The following EIF4G3 variants were observed in gnomAD, a reference collection of about 807,000 sequenced individuals.
The protein encoded by EIF4G3 is eukaryotic translation initiation factor 4 gamma 3.
EIF4G3 carries 34 observed loss-of-function variants against 186.4 expected under a neutral mutation model. The ratio of observed to expected loss-of-function variants is 0.18; its 90% CI spans 0.14 to 0.24. The LOEUF is 0.24. Ranked by LOEUF, EIF4G3 falls within the 10% of genes least tolerant of loss-of-function variation. The probability of loss-of-function intolerance (pLI) is 1.00; values close to 1 mark genes in which losing one functional copy is unlikely to be tolerated. For synonymous variants in EIF4G3, 673 were observed against 679.5 expected (o/e 0.99, Z 0.15); for missense variants, 1,536 against 1,948.5 (o/e 0.79, Z 3.99).
At chr1:20,866,854 A>T (rs1215573042) in intron 20 of EIF4G3, among the ~76,000 whole-genome samples, 5 of 152,226 alleles carry the variant, frequency 3.3e-5, no homozygotes, top group Non-Finnish European at 7.3e-5. Context: ...AATCCTAGCC[A>T]GCATCTTGGC....
chr1:21,092,496 A>G (rs914851378), intron 2 of EIF4G3, among the ~76,000 whole-genome samples: 2 of 152,160 alleles, frequency 1.3e-5, no homozygotes, highest in African/African-American at 4.8e-5. Context: ...GCCTCATAAA[A>G]TCAATATCAT....
chr1:20,932,068 T>C (rs2095336483), intron 14 of EIF4G3, among the ~76,000 whole-genome samples: 1 of 152,224 alleles, frequency 6.6e-6, no homozygotes, highest in African/African-American at 2.4e-5. Context: ...AGCTAGATCA[T>C]CTGGATAACT....
chr1:20,839,126 T>C (rs576390564), intron 30 of EIF4G3, among the ~76,000 whole-genome samples: 3 of 152,168 alleles, frequency 2.0e-5, no homozygotes, highest in Admixed American at 6.5e-5. Context: ...TACAGGTGCG[T>C]GCCACCACGC....
At chr1:20,887,482 CT>C (rs2084580143) in intron 18 of EIF4G3, among the ~76,000 whole-genome samples, 1 of 152,102 alleles carries the variant, frequency 6.6e-6, no homozygotes, top group African/African-American at 2.4e-5. Flanking sequence ...ATCAATCATT[CT>C]CAGAATTATT....
intron 30 of EIF4G3, among the ~76,000 whole-genome samples, chr1:20,829,802 C>T (rs1055283388): frequency 1.3e-5 from 2 of 152,138 alleles, no homozygotes; most frequent in Non-Finnish European, 2.9e-5. Flanking sequence ...CTAACACTAT[C>T]ATCATTATTA....
At chr1:21,023,933 G>C (rs545900810) in intron 4 of EIF4G3, among the ~76,000 whole-genome samples, 2 of 123,224 alleles carry the variant, frequency 1.6e-5, no homozygotes, top group Admixed American at 8.0e-5. Flanking sequence ...TGTGAGGAGC[G>C]CCTCTGCCCG....
intron 12 of EIF4G3, among the ~76,000 whole-genome samples, chr1:20,965,937 G>A (rs759519928): frequency 1.3e-5 from 2 of 152,192 alleles, no homozygotes; most frequent in Non-Finnish European, 2.9e-5. Context: ...AAGCTAAGCA[G>A]TGGAACCCAC....
At chr1:20,906,228 G>T (rs1307800997) in intron 14 of EIF4G3, among the ~76,000 whole-genome samples, 1 of 152,064 alleles carries the variant, frequency 6.6e-6, no homozygotes, top group Non-Finnish European at 1.5e-5. Flanking sequence ...CCATGGGTGG[G>T]TTTAAATTTG....
At position 21,050,972 on chromosome 1, in the gene EIF4G3, G is replaced by C; in HGVS notation, c.-173C>G. ...ATAAGGGGATGGGGTAGGGGTTCCC[G>C]GCTGTCTTGCCACTTGTGTTACCTG... On this transcript the variant is annotated 5_prime_UTR_variant, in exon 4 of 37. Transcript: ENST00000602326. 1.4e-6 allele frequency: 1 copy of C among 717,356 alleles called. No individual in the cohort carries two copies. The allele number at this position is 717,356 out of a possible 1,614,324, so 44.4% of individuals were successfully genotyped here.
chr1:21,083,351 T>TC (rs1391805401), intron 3 of EIF4G3, among the ~76,000 whole-genome samples: 1 of 151,202 alleles, frequency 6.6e-6, no homozygotes, highest in East Asian at 1.9e-4. Context: ...ACAAACACAT[T>TC]TTTTTTTTGG....
Position 20,918,701 on chromosome 1 carries a change from CTTTTTTTTTTTT to C in EIF4G3, c.1664-13742_1664-13731del, listed in dbSNP as rs35704755. Among the ~76,000 whole-genome samples the C allele has an allele frequency of 7.4e-5, 7 of 94,888 alleles. No homozygotes were observed. The South Asian group carries it at 1.3e-3, about 17-fold the overall frequency. The allele number at this position is 94,888 out of a possible 152,430, so 62.3% of individuals were successfully genotyped here. A position where few individuals can be genotyped will look rare whatever the true frequency, so the allele number is the denominator to read the frequency against. ...ACTTTTAAATATATCCTCCTAGTATCTTTTTTTTTTTTTTTTTTTTTTTTTAAAGAGGCAGGT... is the reference window on the plus strand; with the variant it reads ...ACTTTTAAATATATCCTCCTAGTATCTTTTTTTTTTTTTAAAGAGGCAGGT... On this transcript the variant is annotated intron_variant, in intron 14 of 36. Transcript: ENST00000602326.
At chr1:20,833,845 A>G (rs1215677362) in intron 30 of EIF4G3, among the ~76,000 whole-genome samples, 1 of 152,228 alleles carries the variant, frequency 6.6e-6, no homozygotes. Context: ...AGCCAATATC[A>G]TACTGAATGG....
At chr1:20,935,142 G>A (rs940590888) in intron 14 of EIF4G3, among the ~76,000 whole-genome samples, 2 of 152,094 alleles carry the variant, frequency 1.3e-5, no homozygotes, top group Non-Finnish European at 2.9e-5. Flanking sequence ...AGGTAATTTT[G>A]TATTGACATA....
chr1:20,938,704 C>G (rs964107593), intron 14 of EIF4G3, among the ~76,000 whole-genome samples: 9 of 152,210 alleles, frequency 5.9e-5, no homozygotes, highest in African/African-American at 2.2e-4. Context: ...GGTGGATATA[C>G]TTAAAGACTG....
At chr1:20,973,158 T>C (rs1257645121) in intron 10 of EIF4G3, 59 bp from the exon 11 acceptor site, 11 of 1,231,704 alleles carry the variant, frequency 8.9e-6, no homozygotes, top group Non-Finnish European at 8.3e-6. Context: ...ACTACAGAAC[T>C]AGCAATGACA....
chr1:21,104,241 C>G lies in EIF4G3; in HGVS notation c.-271-15028G>C, dbSNP rs2096576089. Among the ~76,000 whole-genome samples, 3 of 152,156 alleles carry G rather than the reference C, an allele frequency of 2.0e-5. No homozygotes were observed. In the South Asian group the frequency reaches 6.2e-4, roughly 32 times the overall value. On this transcript the variant is annotated intron_variant, in intron 2 of 36. Transcript: ENST00000602326. ...ATGCTTAAAAGTCTTCTTGAAAGCA[C>G]TAGTAACATCCTTCTTCATTCATCC...
At chr1:20,845,364 T>C (rs1018073335) in intron 29 of EIF4G3, among the ~76,000 whole-genome samples, 1 of 152,152 alleles carries the variant, frequency 6.6e-6, no homozygotes, top group Non-Finnish European at 1.5e-5. Context: ...TGTAGCCCTG[T>C]AATATAGTTT....
intron 3 of EIF4G3, among the ~76,000 whole-genome samples, chr1:21,070,206 A>G (rs1174061481): frequency 2.0e-5 from 3 of 152,134 alleles, no homozygotes; most frequent in South Asian, 4.1e-4. Context: ...ACCAATTTGC[A>G]TATCAGGCAG....
At chr1:20,971,789 AC>A (rs369316586) in intron 11 of EIF4G3, among the ~76,000 whole-genome samples, 2 of 152,254 alleles carry the variant, frequency 1.3e-5, no homozygotes, top group African/African-American at 4.8e-5. Flanking sequence ...ACGAGCCTCC[AC>A]ACCCAGCTAA....
Sources: allele counts gnomAD v4.1 joint callset (sites outside exome capture counted in the v4.1 genomes callset), GRCh38; gene constraint gnomAD v4.1.1; transcripts MANE v1.5; gene names NCBI Gene and HGNC (gene_info 2026-07-23, HGNC 2026-07-21).